The following SFMBT1 variants were observed in gnomAD, a reference collection of about 807,000 sequenced individuals.
SFMBT1 encodes the protein Scm like with four mbt domains 1, also known as scm-like with four MBT domains protein 1.
SFMBT1 carries 32 observed loss-of-function variants against 108.7 expected under a neutral mutation model. That is an observed-to-expected ratio of 0.29 (90% confidence interval 0.22 to 0.40). The LOEUF (loss-of-function observed/expected upper bound fraction) is 0.40. SFMBT1 is among the 10% of genes least tolerant of loss of function. The probability of loss-of-function intolerance (pLI) is 1.00; values close to 1 mark genes in which losing one functional copy is unlikely to be tolerated. For missense variants in SFMBT1, 816 were observed against 1,059.6 expected, an observed-to-expected ratio of 0.77 and a Z score of 3.19; for synonymous variants, 348 against 369.5, an observed-to-expected ratio of 0.94 and a Z score of 0.67.
At chr3:52,933,194 A>T (rs887439784) in intron 5 of SFMBT1, among the ~76,000 whole-genome samples, 2 of 152,224 alleles carry the variant, frequency 1.3e-5, no homozygotes, top group Non-Finnish European at 2.9e-5. Context: ...AATAGCACAT[A>T]TAACTCTTCC....
chr3:52,975,698 C>CT (rs1340797376), intron 1 of SFMBT1, among the ~76,000 whole-genome samples: 40 of 152,256 alleles, frequency 2.6e-4, no homozygotes, highest in African/African-American at 8.7e-4. Flanking sequence ...ACCTCCCAGG[C>CT]TCAAGCAATT....
chr3:53,028,423 G>A (rs1699568997), intron 1 of SFMBT1, among the ~76,000 whole-genome samples: 1 of 152,140 alleles, frequency 6.6e-6, no homozygotes, highest in Non-Finnish European at 1.5e-5. Flanking sequence ...CATAAAACTT[G>A]TGTGTTGACA....
intron 2 of SFMBT1, among the ~76,000 whole-genome samples, chr3:52,960,150 A>C (rs1703912624): frequency 6.6e-6 from 1 of 151,856 alleles, no homozygotes; most frequent in South Asian, 2.1e-4. Flanking sequence ...CATCAAGCAG[A>C]AAAGGCAAGT....
chr3:52,906,299 A>G (rs1702064686), intron 19 of SFMBT1, 58 bp from the exon 20 acceptor site: 3 of 1,611,226 alleles, frequency 1.9e-6, no homozygotes, highest in Non-Finnish European at 2.5e-6. Flanking sequence ...TATTCTAAAA[A>G]AGTCTCTCTA....
chr3:52,907,547 T>A lies in SFMBT1; in HGVS notation c.2085+8A>T. 6.2e-7 allele frequency: 1 copy of A among 1,610,940 alleles called. No individual in the cohort carries two copies. Among genetic ancestry groups the A allele is most frequent in the African/African-American group, 1.3e-5 (1 of 74,846 alleles). ...CAAGACATTACAGGCACATCACAGATCTCATACCTGGGGAGAGCCCGCTGG... is the reference window on the plus strand; with the variant it reads ...CAAGACATTACAGGCACATCACAGAACTCATACCTGGGGAGAGCCCGCTGG... On this transcript the variant is annotated splice_region_variant and intron_variant, in intron 18 of 20. Transcript: ENST00000394752.
intron 4 of SFMBT1, 149 bp from the exon 5 acceptor site, chr3:52,935,050 A>G (rs1312639353): frequency 1.6e-6 from 1 of 623,766 alleles, no homozygotes; most frequent in East Asian, 2.9e-5. Flanking sequence ...GATAAAACAA[A>G]ATAAAACCAA....
chr3:53,045,469 C>T (rs964315132), intron 1 of SFMBT1, among the ~76,000 whole-genome samples: 2 of 144,456 alleles, frequency 1.4e-5, no homozygotes, highest in African/African-American at 4.9e-5. Flanking sequence ...TCACGCCTCC[C>T]GCGGGCTGAC....
At chr3:52,907,814 A>G in intron 17 of SFMBT1, 81 bp from the exon 18 acceptor site, 1 of 1,258,558 alleles carries the variant, frequency 7.9e-7, no homozygotes, top group South Asian at 1.5e-5. Flanking sequence ...TTATTAGCAT[A>G]GCAAAAAACA....
At chr3:52,937,127 C>T (rs1703035103) in intron 4 of SFMBT1, among the ~76,000 whole-genome samples, 1 of 152,124 alleles carries the variant, frequency 6.6e-6, no homozygotes, top group Non-Finnish European at 1.5e-5. Flanking sequence ...AGGGGTGAGC[C>T]ACCACGCCCG....
At position 52,912,516 on chromosome 3, in the gene SFMBT1, T is replaced by C. The variant is rs779715010; in HGVS notation, c.1730+22A>G. The C allele has an allele frequency of 3.8e-6, 6 of 1,592,384 alleles. No individual in the cohort carries two copies. The African/African-American group carries it at 8.1e-5, about 21-fold the overall frequency. On this transcript the variant is annotated intron_variant, in intron 16 of 20. Transcript: ENST00000394752. Reference sequence around the variant, plus strand: ...TTTAAAGACAAGTAAAAGTAAAGAGTAAAAACAAGTAGTCCACTCACTTGG... The same window carrying C: ...TTTAAAGACAAGTAAAAGTAAAGAGCAAAAACAAGTAGTCCACTCACTTGG...
chr3:53,042,246 C>T (rs992459684), intron 1 of SFMBT1, among the ~76,000 whole-genome samples: 2 of 152,208 alleles, frequency 1.3e-5, no homozygotes, highest in Non-Finnish European at 2.9e-5. Flanking sequence ...TGCTGCTACA[C>T]CACCATTCCA....
intron 1 of SFMBT1, among the ~76,000 whole-genome samples, chr3:53,020,338 C>G (rs997215475): frequency 2.6e-5 from 4 of 151,802 alleles, no homozygotes; most frequent in Non-Finnish European, 4.4e-5. Context: ...TGCAGCGAGC[C>G]AAGATCACAC....
At chr3:53,022,573 A>G (rs7340567) in intron 1 of SFMBT1, among the ~76,000 whole-genome samples, 7,684 of 152,198 alleles carry the variant, frequency 0.05, 654 homozygotes, top group African/African-American at 0.18. Context: ...AATATTATTC[A>G]GTCTTTAAAA....
intron 1 of SFMBT1, among the ~76,000 whole-genome samples, chr3:53,020,522 C>A (rs1291428923): frequency 6.6e-6 from 1 of 152,198 alleles, no homozygotes; most frequent in East Asian, 1.9e-4. Flanking sequence ...GCATTTATCA[C>A]AATTACTAGA....
rs116168945 is a variant in SFMBT1 at position 52,910,458 on chromosome 3, C to G, written c.1906+545G>C. ...CCATGACCTGTTTTGGTATAGCCCC[C>G]AAGCCAAAAATTACCCTTACATTTT... is the stretch of plus-strand genomic sequence containing the variant. On this transcript the variant is annotated intron_variant, in intron 17 of 20. Transcript: ENST00000394752. Among the ~76,000 whole-genome samples the G allele has an allele frequency of 3.0e-3, 453 of 152,214 alleles. 1 individual carries two copies. The highest frequency in any genetic ancestry group is 0.01 in the African/African-American group (435 of 41,536).
At chr3:53,040,576 C>T (rs1462225725) in intron 1 of SFMBT1, among the ~76,000 whole-genome samples, 1 of 150,732 alleles carries the variant, frequency 6.6e-6, no homozygotes, top group African/African-American at 2.4e-5. Flanking sequence ...TTTCTCTAGA[C>T]TAAGCAAAAA....
intron 2 of SFMBT1, among the ~76,000 whole-genome samples, chr3:52,960,243 G>A (rs1022872808): frequency 1.3e-5 from 2 of 151,966 alleles, no homozygotes; most frequent in Non-Finnish European, 2.9e-5. Flanking sequence ...ATATAAGAGT[G>A]TAAAGAAAAG....
chr3:52,980,318 T>G (rs1372708273), intron 1 of SFMBT1, among the ~76,000 whole-genome samples: 1 of 151,608 alleles, frequency 6.6e-6, no homozygotes, highest in Non-Finnish European at 1.5e-5. Context: ...TGAGCTCAAG[T>G]GTTGCGACTA....
intron 1 of SFMBT1, among the ~76,000 whole-genome samples, chr3:53,038,982 A>G (rs990443384): frequency 6.6e-6 from 1 of 152,204 alleles, no homozygotes; most frequent in Non-Finnish European, 1.5e-5. Context: ...GTGATCACAC[A>G]GTAAGATGGC....
Sources: gnomAD v4.1 joint callset for allele counts (sites outside exome capture counted in the v4.1 genomes callset) on GRCh38, gnomAD v4.1.1 for gene constraint, MANE v1.5 for transcripts, NCBI Gene and HGNC (gene_info 2026-07-23, HGNC 2026-07-21) for gene names.